Variants in LRRTM4 observed in about 807,000 individuals in gnomAD.
The protein encoded by LRRTM4 is leucine rich repeat transmembrane neuronal 4.
Under a neutral mutation model 47.6 loss-of-function variants are expected in LRRTM4, and 25 were observed. That is an observed-to-expected ratio of 0.53 (90% CI 0.38 to 0.73). The LOEUF is 0.73. Among genes scored for constraint, LRRTM4 ranks in the 30% least tolerant of loss-of-function variants. LRRTM4 has a pLI of 0.00. For missense variants in LRRTM4, 638 were observed against 713.4 expected (o/e 0.89, Z 1.20); for synonymous variants, 311 against 269.5 (o/e 1.15, Z -1.51).
chr2:77,201,820 A>G (rs1350059679), intron 3 of LRRTM4, among the ~76,000 whole-genome samples: 1 of 152,142 alleles, frequency 6.6e-6, no homozygotes, highest in East Asian at 1.9e-4. Flanking sequence ...ACCTCCTTCA[A>G]TTTGTAGAGT....
chr2:77,066,163 C>G (rs976559979), intron 3 of LRRTM4, among the ~76,000 whole-genome samples: 1 of 152,144 alleles, frequency 6.6e-6, no homozygotes. Flanking sequence ...AGCTCAGATA[C>G]TGAGTTAGAT....
chr2:76,888,684 T>A (rs992613836), intron 3 of LRRTM4, among the ~76,000 whole-genome samples: 33 of 151,948 alleles, frequency 2.2e-4, no homozygotes, highest in African/African-American at 7.9e-4. Context: ...TTCTAGATTT[T>A]AGTTTGGACC....
rs368869110 is a variant in LRRTM4, at chr2:76,968,305, G to A, written c.1552-219389C>T. 5.2e-5 allele frequency among the ~76,000 whole-genome samples: 7 copies of A among 135,012 alleles called. No homozygotes were observed. The East Asian group carries it at 1.3e-3, about 26-fold the overall frequency. 88.6% of individuals were successfully genotyped at this position (135,012 alleles called of 152,430 possible). ...GTCTAAAAATCTCACAATATATAGG[G>A]TTGGTAAAATGTAAATACAAAAGTG... On this transcript the variant is annotated intron_variant, in intron 3 of 3. Coordinates refer to ENST00000409884, the MANE Select transcript of LRRTM4 (RefSeq NM_001134745.3).
intron 3 of LRRTM4, among the ~76,000 whole-genome samples, chr2:76,798,180 A>C (rs992549056): frequency 1.3e-5 from 2 of 152,108 alleles, no homozygotes; most frequent in East Asian, 1.9e-4. Context: ...CCTATTCCAA[A>C]ATTGACCACA....
intron 3 of LRRTM4, among the ~76,000 whole-genome samples, chr2:76,781,952 A>C (rs1218266428): frequency 6.6e-6 from 1 of 152,124 alleles, no homozygotes; most frequent in Non-Finnish European, 1.5e-5. Context: ...TATTATCTTG[A>C]CATTTTTTTA....
At chr2:77,298,045 G>C (rs1463106554) in intron 3 of LRRTM4, among the ~76,000 whole-genome samples, 1 of 152,166 alleles carries the variant, frequency 6.6e-6, no homozygotes, top group Non-Finnish European at 1.5e-5. Context: ...AACTAAAAGA[G>C]AGAGAGAGTA....
At chr2:77,315,682 A>G (rs576445066) in intron 3 of LRRTM4, among the ~76,000 whole-genome samples, 13 of 152,234 alleles carry the variant, frequency 8.5e-5, no homozygotes, top group African/African-American at 2.9e-4. Context: ...TAAGAGCAAT[A>G]TAATTGTACA....
intron 3 of LRRTM4, among the ~76,000 whole-genome samples, chr2:77,502,417 C>A (rs2104079395): frequency 6.6e-6 from 1 of 151,016 alleles, no homozygotes; most frequent in South Asian, 2.1e-4. Context: ...AAACTGTATA[C>A]CGTAAAGTTA....
At chr2:77,047,186 A>G (rs1476550870) in intron 3 of LRRTM4, among the ~76,000 whole-genome samples, 1 of 152,036 alleles carries the variant, frequency 6.6e-6, no homozygotes, top group African/African-American at 2.4e-5. Context: ...ATTGATTTAA[A>G]TAAGGTGATT....
At chr2:76,857,387 T>C (rs1451227469) in intron 3 of LRRTM4, among the ~76,000 whole-genome samples, 1 of 150,590 alleles carries the variant, frequency 6.6e-6, no homozygotes, top group Non-Finnish European at 1.5e-5. Context: ...TATTTACATA[T>C]ATGAGATATA....
chr2:76,968,149 G>A (rs989131789), intron 3 of LRRTM4, among the ~76,000 whole-genome samples: 2 of 150,158 alleles, frequency 1.3e-5, no homozygotes, highest in African/African-American at 2.4e-5. Flanking sequence ...CTTATGCAAA[G>A]CCTACACAGG....
intron 3 of LRRTM4, among the ~76,000 whole-genome samples, chr2:77,317,872 G>A (rs1405604278): frequency 6.6e-6 from 1 of 152,010 alleles, no homozygotes; most frequent in African/African-American, 2.4e-5. Flanking sequence ...AAAAAACATG[G>A]ATTTACTATA....
chr2:77,155,683 T>C (rs1050379648), intron 3 of LRRTM4, among the ~76,000 whole-genome samples: 1 of 151,948 alleles, frequency 6.6e-6, no homozygotes, highest in Non-Finnish European at 1.5e-5. Context: ...AGCACCAAAG[T>C]GGAACCTGAA....
intron 3 of LRRTM4, among the ~76,000 whole-genome samples, chr2:77,078,778 T>C (rs1680433388): frequency 6.6e-6 from 1 of 152,204 alleles, no homozygotes; most frequent in Non-Finnish European, 1.5e-5. Flanking sequence ...TACATTGAAA[T>C]ACCATCTTAC....
chr2:77,309,168 A>C (rs76571634), intron 3 of LRRTM4, among the ~76,000 whole-genome samples: 1 of 152,178 alleles, frequency 6.6e-6, no homozygotes, highest in African/African-American at 2.4e-5. Context: ...TCAGAAATGC[A>C]GACCCTGAAG....
intron 3 of LRRTM4, among the ~76,000 whole-genome samples, chr2:76,878,562 A>G (rs1477123267): frequency 6.6e-6 from 1 of 151,900 alleles, no homozygotes; most frequent in East Asian, 1.9e-4. Context: ...TGAAGACACG[A>G]ATTATAGGAA....
intron 3 of LRRTM4, among the ~76,000 whole-genome samples, chr2:77,405,883 T>C (rs947058305): frequency 2.6e-5 from 4 of 152,164 alleles, no homozygotes; most frequent in African/African-American, 7.2e-5. Context: ...AAAATTTCTA[T>C]TTATCTTTGC....
At chr2:76,995,988 AT>A (rs1247794893) in intron 3 of LRRTM4, among the ~76,000 whole-genome samples, 5 of 151,974 alleles carry the variant, frequency 3.3e-5, no homozygotes, top group Admixed American at 6.6e-5. Flanking sequence ...ATAATGTAGT[AT>A]TTTTTAAAAA....
chr2:76,825,263 A>G (rs1038845307), intron 3 of LRRTM4, among the ~76,000 whole-genome samples: 2 of 151,676 alleles, frequency 1.3e-5, no homozygotes, highest in Non-Finnish European at 3.0e-5. Flanking sequence ...TGCCAAGAGT[A>G]CAAGTTAAAG....
Sources: gnomAD v4.1 joint callset for allele counts (sites outside exome capture counted in the v4.1 genomes callset) on GRCh38, gnomAD v4.1.1 for gene constraint, MANE v1.5 for transcripts, NCBI Gene and HGNC (gene_info 2026-07-23, HGNC 2026-07-21) for gene names.